PAK5: variants seen among roughly 807,000 people sequenced by gnomAD.
The protein encoded by PAK5 is p21 (RAC1) activated kinase 5.
In PAK5, 16 loss-of-function variants were observed where a neutral mutation model predicts 65.9. That is an observed-to-expected ratio of 0.24 (90% CI 0.16 to 0.37). The LOEUF (loss-of-function observed/expected upper bound fraction) is 0.37. Among genes scored for constraint, PAK5 ranks in the 10% least tolerant of loss-of-function variants. The pLI, the probability that PAK5 is intolerant of heterozygous loss-of-function variation, is 1.00. For missense variants in PAK5, 785 were observed against 903.9 expected (o/e 0.87, Z 1.69); for synonymous variants, 371 against 354.9 (o/e 1.05, Z -0.51).
intron 7 of PAK5, among the ~76,000 whole-genome samples, chr20:9,546,398 GT>G (rs1289522639): frequency 6.6e-6 from 1 of 152,106 alleles, no homozygotes; most frequent in African/African-American, 2.4e-5. Context: ...AATTTACACA[GT>G]GTGAAATGTA....
chr20:9,550,889 T>C (rs147285301), intron 7 of PAK5, among the ~76,000 whole-genome samples: 6 of 152,204 alleles, frequency 3.9e-5, no homozygotes, highest in Admixed American at 1.3e-4. Flanking sequence ...GGTGAATGTA[T>C]CAGCATTTTG....
At chr20:9,658,959 C>T (rs920962687) in intron 2 of PAK5, among the ~76,000 whole-genome samples, 2 of 152,050 alleles carry the variant, frequency 1.3e-5, no homozygotes, top group Non-Finnish European at 2.9e-5. Flanking sequence ...ATCTTCTGCC[C>T]TCTCTTAAAA....
rs572765706 is a variant in PAK5, at chr20:9,692,802, A to T, written c.-12+18484T>A. Among the ~76,000 whole-genome samples the T allele has an allele frequency of 1.4e-3, 206 of 152,298 alleles. 4 individuals are homozygous for T. Among genetic ancestry groups the T allele is most frequent in the Admixed American group, 0.01 (157 of 15,290 alleles). The stretch of plus-strand genomic sequence containing the variant: ...AGTGAGAGTTCACCTGGGCCAATCA[A>T]TACCAGCTTGGCAGCTGTGTGAGCC... On this transcript the variant is annotated intron_variant, in intron 2 of 9. Transcript: ENST00000353224.
intron 1 of PAK5, among the ~76,000 whole-genome samples, chr20:9,827,889 T>C (rs930227069): frequency 6.6e-6 from 1 of 152,216 alleles, no homozygotes; most frequent in Non-Finnish European, 1.5e-5. Context: ...TGGAGTGCAG[T>C]GGCGTGATCT....
intron 1 of PAK5, among the ~76,000 whole-genome samples, chr20:9,738,141 C>T (rs2048410979): frequency 6.6e-6 from 1 of 150,868 alleles, no homozygotes; most frequent in Admixed American, 6.6e-5. Flanking sequence ...GACTCGGTCT[C>T]AAAAACAAAA....
intron 4 of PAK5, chr20:9,577,833 AGTGATTATGCT>A (rs2045913308): frequency 6.6e-6 from 1 of 152,072 alleles, no homozygotes; most frequent in Non-Finnish European, 1.5e-5. Flanking sequence ...AGTTCCCATG[AGTGATTATGCT>A]GTTTTTGTTG....
At chr20:9,588,185 T>C (rs1424546194) in intron 3 of PAK5, among the ~76,000 whole-genome samples, 2 of 152,104 alleles carry the variant, frequency 1.3e-5, no homozygotes, top group Non-Finnish European at 2.9e-5. Flanking sequence ...ACAAAAGATA[T>C]GATGTGGTTA....
At chr20:9,600,478 A>G (rs1307240868) in intron 3 of PAK5, among the ~76,000 whole-genome samples, 1 of 152,232 alleles carries the variant, frequency 6.6e-6, no homozygotes, top group Non-Finnish European at 1.5e-5. Flanking sequence ...CAATGTATGA[A>G]CAGAGGATGT....
At position 9,640,235 on chromosome 20, in the gene PAK5, T is replaced by C. The variant is rs1447879312; in HGVS notation, c.204+3890A>G. On this transcript the variant is annotated intron_variant, in intron 3 of 9. Transcript: ENST00000353224. ...CCCCACCCCACCCCACAACAGTCCC[T>C]GGTGTGTGATGTTCCCCTTCCTGTG... Among the ~76,000 whole-genome samples the C allele has an allele frequency of 4.8e-5, 5 of 105,224 alleles. No individual in the cohort carries two copies. The East Asian group carries it at 1.6e-3, about 34-fold the overall frequency. 69.0% of individuals were successfully genotyped at this position (105,224 alleles called of 152,430 possible). A position where few individuals can be genotyped will look rare whatever the true frequency, so the allele number is the denominator to read the frequency against.
At chr20:9,563,971 A>C (rs1001253401) in intron 5 of PAK5, among the ~76,000 whole-genome samples, 3 of 152,170 alleles carry the variant, frequency 2.0e-5, no homozygotes, top group Admixed American at 6.5e-5. Flanking sequence ...TTTATGGACC[A>C]AACACCTTCT....
chr20:9,576,354 G>T (rs1364509209), intron 4 of PAK5, among the ~76,000 whole-genome samples: 2 of 152,070 alleles, frequency 1.3e-5, no homozygotes, highest in African/African-American at 4.8e-5. Flanking sequence ...TCCTTAACTG[G>T]GCCAAGTTTG....
intron 1 of PAK5, among the ~76,000 whole-genome samples, chr20:9,821,503 T>C (rs1229550822): frequency 1.3e-5 from 2 of 152,214 alleles, no homozygotes; most frequent in Admixed American, 1.3e-4. Context: ...CTATTGGCAA[T>C]CACTGATATG....
intron 1 of PAK5, among the ~76,000 whole-genome samples, chr20:9,750,199 C>T (rs2048559088): frequency 6.6e-6 from 1 of 152,018 alleles, no homozygotes; most frequent in Non-Finnish European, 1.5e-5. Context: ...GCCTCCCTGA[C>T]ACCTCCTAAC....
At chr20:9,654,124 C>T (rs1391265832) in intron 2 of PAK5, among the ~76,000 whole-genome samples, 1 of 151,986 alleles carries the variant, frequency 6.6e-6, no homozygotes, top group Non-Finnish European at 1.5e-5. Context: ...CAGGCATGCA[C>T]CACGATGCCC....
Position 9,762,082 on chromosome 20 carries a change from C to T in PAK5, c.-161-50647G>A, listed in dbSNP as rs186083857. On this transcript the variant is annotated intron_variant, in intron 1 of 9. Transcript: ENST00000353224. Reference sequence around the variant, plus strand: ...TCACATGTAAAATAATAAAATTGGGCCCTTCTCTTACACCACACACAAAAA... The same window carrying T: ...TCACATGTAAAATAATAAAATTGGGTCCTTCTCTTACACCACACACAAAAA... Among the ~76,000 whole-genome samples, 331 of 152,060 alleles carry T rather than the reference C, an allele frequency of 2.2e-3. 1 individual carries two copies. Among genetic ancestry groups the T allele is most frequent in the African/African-American group, 7.7e-3 (319 of 41,498 alleles).
chr20:9,768,193 C>CT (rs150819130), intron 1 of PAK5, among the ~76,000 whole-genome samples: 6,286 of 151,742 alleles, frequency 0.041, 438 homozygotes, highest in African/African-American at 0.14. Context: ...AGGGTCTTCA[C>CT]TTTTTTTTAA....
chr20:9,643,108 A>G (rs1199433909), intron 3 of PAK5, among the ~76,000 whole-genome samples: 1 of 152,228 alleles, frequency 6.6e-6, no homozygotes, highest in Non-Finnish European at 1.5e-5. Flanking sequence ...TTATTTAAAT[A>G]CAGTTTATGC....
At chr20:9,716,434 C>T (rs1169100149) in intron 1 of PAK5, among the ~76,000 whole-genome samples, 3 of 152,074 alleles carry the variant, frequency 2.0e-5, no homozygotes, top group African/African-American at 7.2e-5. Flanking sequence ...GGGTCTACTG[C>T]ATAATAATAA....
chr20:9,683,651 A>T (rs957453763), intron 2 of PAK5, among the ~76,000 whole-genome samples: 10 of 152,120 alleles, frequency 6.6e-5, no homozygotes, highest in African/African-American at 2.4e-4. Flanking sequence ...CTGGTAGATG[A>T]TGTGAGAGCA....
Sources: gnomAD v4.1 joint callset for allele counts (sites outside exome capture counted in the v4.1 genomes callset) on GRCh38, gnomAD v4.1.1 for gene constraint, MANE v1.5 for transcripts, NCBI Gene and HGNC (gene_info 2026-07-23, HGNC 2026-07-21) for gene names.